Variants in CATSPERB observed in about 807,000 individuals in gnomAD.
CATSPERB encodes the protein catsper channel auxiliary subunit beta, also known as cation channel sperm-associated auxiliary subunit beta.
CATSPERB carries 93 observed loss-of-function variants against 128.3 expected under a neutral mutation model. The observed-to-expected ratio is 0.72, with a 90% confidence interval of 0.61 to 0.86. The LOEUF is 0.86. Among genes scored for constraint, CATSPERB ranks in the 40% least tolerant of loss-of-function variants. CATSPERB has a pLI of 0.00. For synonymous variants in CATSPERB, 381 were observed against 448.8 expected, an observed-to-expected ratio of 0.85 and a Z score of 1.91; for missense variants, 1,153 against 1,329.5, an observed-to-expected ratio of 0.87 and a Z score of 2.06.
rs773285927 is a variant in CATSPERB, at chr14:91,723,094, G to A, written c.264C>T (p.Ile88=). 6 of 1,548,206 alleles carry A rather than the reference G, an allele frequency of 3.9e-6. No individual in the cohort carries two copies. In the South Asian group the frequency reaches 7.7e-5, roughly 20 times the overall value. The change falls in exon 4 of 27, where the codon ATC becomes ATT. Residue 88 remains isoleucine, a synonymous_variant. Coordinates refer to ENST00000256343, the MANE Select transcript of CATSPERB (RefSeq NM_024764.4). ...TSGGLAPSLG[I]MNSTYNGIFH... is the part of the protein sequence containing the mutation. ...AGATGCCATTATATGTACTATTCAT[G>A]ATTCCCAAGCTGGGAGCAAGTCCTC...
intron 5 of CATSPERB, chr14:91,709,972 A>C (rs1296582591): frequency 6.6e-6 from 1 of 152,648 alleles, no homozygotes; most frequent in African/African-American, 2.4e-5. Flanking sequence ...TAAACACAGA[A>C]GAAGTATTGA....
chr14:91,714,539 T>C (rs1895902668), intron 5 of CATSPERB, among the ~76,000 whole-genome samples: 2 of 142,652 alleles, frequency 1.4e-5, no homozygotes, highest in Non-Finnish European at 3.0e-5. Context: ...ACAATAACAC[T>C]CCAAACCATA....
At chr14:91,590,306 G>C (rs1893375231) in intron 23 of CATSPERB, among the ~76,000 whole-genome samples, 1 of 152,096 alleles carries the variant, frequency 6.6e-6, no homozygotes, top group Admixed American at 6.5e-5. Flanking sequence ...GGAGGCAGGT[G>C]GATCACTTGA....
rs1294541173 is a variant in CATSPERB at position 91,616,373 on chromosome 14, G to A, written c.2400+1224C>T. On this transcript the variant is annotated intron_variant, in intron 20 of 26. Coordinates refer to ENST00000256343, the MANE Select transcript of CATSPERB (RefSeq NM_024764.4). ...AAATGCTGAAGAGCACATTTATTCC[G>A]TATCTGTCTCTAGTCCTTTCCAGTG... is the stretch of plus-strand genomic sequence containing the variant. Among the ~76,000 whole-genome samples the A allele has an allele frequency of 3.3e-5, 5 of 151,868 alleles. No individual in the cohort carries two copies. In the East Asian group the frequency reaches 5.8e-4, roughly 18 times the overall value.
Position 91,636,473 on chromosome 14 carries a change from T to C in CATSPERB, c.1694A>G (p.Tyr565Cys), listed in dbSNP as rs375030620. 11 of 1,614,182 alleles carry C rather than the reference T, an allele frequency of 6.8e-6. No individual in the cohort carries two copies. The highest frequency in any genetic ancestry group is 9.3e-6 in the Non-Finnish European group (11 of 1,180,024). ...GTGTATATTGCCGAACTTCTTGCTGTAGATCGTTTCCTGGGGTTCGTTCTC... is the reference window on the plus strand; with the variant it reads ...GTGTATATTGCCGAACTTCTTGCTGCAGATCGTTTCCTGGGGTTCGTTCTC... Reference protein sequence around the residue: ...VPENEPQETIYSKKFGNIHYG... With the variant: ...VPENEPQETICSKKFGNIHYG... The change falls in exon 17 of 27, where the codon TAC (tyrosine) becomes TGC (cysteine). Residue 565 changes from tyrosine (Y) to cysteine (C), a missense_variant. By Grantham distance (194) the Tyr-to-Cys change is radical. Coordinates refer to ENST00000256343, the MANE Select transcript of CATSPERB (RefSeq NM_024764.4).
intron 15 of CATSPERB, among the ~76,000 whole-genome samples, chr14:91,644,087 T>A (rs1894546797): frequency 7.3e-6 from 1 of 137,230 alleles, no homozygotes; most frequent in African/African-American, 2.8e-5. Flanking sequence ...ATCTTTTTAT[T>A]TTGAGCCTAT....
In CATSPERB at chr14:91,723,030, T is replaced by A. The variant is rs780692485; in HGVS notation, c.309+19A>T. The A allele has an allele frequency of 6.8e-7, 1 of 1,476,588 alleles. No homozygotes were observed. The highest frequency in any genetic ancestry group is 1.5e-5 in the South Asian group (1 of 66,372). The allele number at this position is 1,476,588 out of a possible 1,614,324, so 91.5% of individuals were successfully genotyped here. On this transcript the variant is annotated intron_variant, in intron 4 of 26. Coordinates refer to ENST00000256343, the MANE Select transcript of CATSPERB (RefSeq NM_024764.4). ...TTCTTGTTAATAACATATCACAGAGTAAGATAAAATGTAATTACCAACGTT... is the reference window on the plus strand; with the variant it reads ...TTCTTGTTAATAACATATCACAGAGAAAGATAAAATGTAATTACCAACGTT...
rs1180028080 is a variant in CATSPERB at position 91,580,868 on chromosome 14, G to T, written c.*21C>A. The T allele has an allele frequency of 1.3e-6, 2 of 1,584,336 alleles. No homozygotes were observed. The highest frequency in any genetic ancestry group is 2.2e-5 in the East Asian group (1 of 44,612). The stretch of plus-strand genomic sequence containing the variant: ...GGCTGATAAAACTAGAAAATAAAGA[G>T]AAATTATGATCACCATGTGTTCACT... On this transcript the variant is annotated 3_prime_UTR_variant, in exon 27 of 27. Coordinates refer to ENST00000256343, the MANE Select transcript of CATSPERB (RefSeq NM_024764.4).
At chr14:91,597,996 T>G (rs544223040) in intron 22 of CATSPERB, among the ~76,000 whole-genome samples, 111 of 152,028 alleles carry the variant, frequency 7.3e-4, no homozygotes, top group African/African-American at 2.4e-3. Context: ...TTTTGTTTTT[T>G]TTTTTAAATA....
intron 7 of CATSPERB, among the ~76,000 whole-genome samples, chr14:91,702,857 T>G (rs985198640): frequency 2.0e-5 from 3 of 152,024 alleles, no homozygotes; most frequent in Non-Finnish European, 4.4e-5. Flanking sequence ...TTTATTTTGG[T>G]CTTTTTTTAT....
intron 1 of CATSPERB, among the ~76,000 whole-genome samples, chr14:91,730,407 G>A (rs1012624091): frequency 2.6e-5 from 4 of 152,118 alleles, no homozygotes; most frequent in African/African-American, 9.7e-5. Context: ...TAACCCTACA[G>A]ACACCTTGAT....
intron 22 of CATSPERB, among the ~76,000 whole-genome samples, chr14:91,592,826 G>A (rs1893432676): frequency 6.9e-6 from 1 of 145,486 alleles, no homozygotes; most frequent in Non-Finnish European, 1.5e-5. Flanking sequence ...TGGTGAAAAT[G>A]TCTCCAGACC....
chr14:91,603,150 C>T (rs2139770075), intron 22 of CATSPERB: 2 of 785,032 alleles, frequency 2.5e-6, no homozygotes. Context: ...TCCTTGTATA[C>T]CTTCATGTAT....
At chr14:91,633,108 T>C (rs1413304162) in intron 17 of CATSPERB, among the ~76,000 whole-genome samples, 1 of 152,208 alleles carries the variant, frequency 6.6e-6, no homozygotes, top group Non-Finnish European at 1.5e-5. Context: ...ACCCAGTATA[T>C]ACATGTTCAA....
intron 17 of CATSPERB, among the ~76,000 whole-genome samples, chr14:91,627,723 G>C (rs1894194044): frequency 6.6e-6 from 1 of 152,220 alleles, no homozygotes; most frequent in Non-Finnish European, 1.5e-5. Context: ...AGCTACTCTG[G>C]AGGAAAGCCT....
At chr14:91,631,859 AAG>A (rs1441320222) in intron 17 of CATSPERB, among the ~76,000 whole-genome samples, 1 of 152,116 alleles carries the variant, frequency 6.6e-6, no homozygotes, top group Non-Finnish European at 1.5e-5. Context: ...TGGAATGGGA[AAG>A]AGATAAAGTT....
intron 12 of CATSPERB, 57 bp downstream of exon 12, chr14:91,674,119 T>C: frequency 1.0e-6 from 1 of 967,780 alleles, no homozygotes; most frequent in Non-Finnish European, 1.6e-6. Flanking sequence ...TCCCAATCCA[T>C]GAAGTCCCCA....
Position 91,617,692 on chromosome 14 carries a change from T to C in CATSPERB, c.2305A>G (p.Asn769Asp). The C allele has an allele frequency of 1.2e-6, 2 of 1,602,306 alleles. No homozygotes were observed. The highest frequency in any genetic ancestry group is 1.7e-6 in the Non-Finnish European group (2 of 1,175,968). Reference sequence around the variant, plus strand: ...GCTGTAACTTCCAACAAATTAGGGTTTCCAACAAACACAGTCAGTAGTGGT... The same window carrying C: ...GCTGTAACTTCCAACAAATTAGGGTCTCCAACAAACACAGTCAGTAGTGGT... ...EIPLLTVFVG[N>D]PNLLEVTAEV... is the part of the protein sequence containing the mutation. Residue 769 changes from asparagine to aspartate, a missense_variant, in exon 20 of 27, where the codon AAC becomes GAC. By Grantham distance (23) the Asn-to-Asp change is conservative. Transcript: ENST00000256343.
At chr14:91,610,809 TTTAAGGAGGTAA>T in intron 20 of CATSPERB, 132 bp from the exon 21 acceptor site, 1 of 791,424 alleles carries the variant, frequency 1.3e-6, no homozygotes, top group East Asian at 2.7e-5. Flanking sequence ...AGATAGGGCC[TTTAAGGAGGTAA>T]TTAAGGTAAA....
Sources: gnomAD v4.1 joint callset for allele counts (sites outside exome capture counted in the v4.1 genomes callset) on GRCh38, gnomAD v4.1.1 for gene constraint, MANE v1.5 for transcripts, NCBI Gene and HGNC (gene_info 2026-07-23, HGNC 2026-07-21) for gene names.